RBMXL1: variants seen among roughly 807,000 people sequenced by gnomAD.
RBMXL1 encodes RNA binding motif protein, X-linked-like-1.
RBMXL1 carries 18 observed loss-of-function variants against 29.0 expected under a neutral mutation model. That is an observed-to-expected ratio of 0.62 (90% CI 0.43 to 0.92). The LOEUF (loss-of-function observed/expected upper bound fraction) is 0.92. Ranked by LOEUF, RBMXL1 falls within the 40% of genes least tolerant of loss-of-function variation. RBMXL1 has a pLI of 0.00. For missense variants in RBMXL1, 403 were observed against 495.8 expected, an observed-to-expected ratio of 0.81 and a Z score of 1.78; for synonymous variants, 141 against 170.4, an observed-to-expected ratio of 0.83 and a Z score of 1.34.
chr1:88,988,418 T>TAC, intron 1 of RBMXL1, 67 bp from the exon 2 acceptor site: 1 of 857,106 alleles, frequency 1.2e-6, no homozygotes, highest in Non-Finnish European at 1.9e-6. Context: ...ATCAGACACT[T>TAC]ACAGCTAGCT....
In RBMXL1 at chr1:88,981,291, C is replaced by T. The variant is rs897333993; in HGVS notation, c.*1363G>A. The T allele has an allele frequency of 5.5e-4, 84 of 152,168 alleles. No homozygotes were observed. The highest frequency in any genetic ancestry group is 2.0e-3 in the African/African-American group (83 of 41,428). The allele number at this position is 152,168 out of a possible 1,614,324, so 9.4% of individuals were successfully genotyped here. On this transcript the variant is annotated 3_prime_UTR_variant, in exon 3 of 3. Transcript: ENST00000652648. ...TTTCACTTACTGACAAGACACTTCA[C>T]CAGATAGAGCTACCACTTATATCCA...
intron 2 of RBMXL1, among the ~76,000 whole-genome samples, chr1:88,987,300 G>A (rs1250135305): frequency 2.0e-5 from 3 of 152,020 alleles, no homozygotes; most frequent in Non-Finnish European, 2.9e-5. Flanking sequence ...GGCTTCAACC[G>A]ACTTCTATGT....
In RBMXL1 at chr1:88,982,635, T is replaced by G. The variant is rs760470330; in HGVS notation, c.*19A>C. The G allele has an allele frequency of 3.3e-5, 52 of 1,572,704 alleles. No homozygotes were observed. Among genetic ancestry groups the G allele is most frequent in the Non-Finnish European group, 4.3e-5 (50 of 1,161,504 alleles). The stretch of plus-strand genomic sequence containing the variant: ...TTGTTTCTTTGAACTGGGATTTTGG[T>G]CCAAAGTTTTGTTTGTTTCTAGTAT... On this transcript the variant is annotated 3_prime_UTR_variant, in exon 3 of 3. Transcript: ENST00000652648.
In RBMXL1 at chr1:88,981,043, A is replaced by G. The variant is rs1677062321; in HGVS notation, c.*1611T>C. 1 of 152,246 alleles carries G rather than the reference A, an allele frequency of 6.6e-6. No individual in the cohort carries two copies. Among genetic ancestry groups the G allele is most frequent in the African/African-American group, 2.4e-5 (1 of 41,468 alleles). 9.4% of individuals were successfully genotyped at this position (152,246 alleles called of 1,614,324 possible). ...ACAACTCAAGTCTGTTTCCTTTGAG[A>G]ACATTACACTATTGGCTCTAGTCTC... On this transcript the variant is annotated 3_prime_UTR_variant, in exon 3 of 3. Transcript: ENST00000652648.
intron 1 of RBMXL1, among the ~76,000 whole-genome samples, chr1:88,991,869 T>C (rs559258742): frequency 2.0e-5 from 3 of 152,238 alleles, no homozygotes; most frequent in African/African-American, 4.8e-5. Flanking sequence ...GAAGGAAGGA[T>C]TTCTGCGCCA....
chr1:88,991,920 A>G (rs1432842723), intron 1 of RBMXL1, among the ~76,000 whole-genome samples: 2 of 152,114 alleles, frequency 1.3e-5, no homozygotes, highest in African/African-American at 4.8e-5. Flanking sequence ...TGTTTTAACT[A>G]CAAATGTTGG....
intron 2 of RBMXL1, among the ~76,000 whole-genome samples, chr1:88,986,681 C>A (rs1677477369): frequency 6.6e-6 from 1 of 152,234 alleles, no homozygotes; most frequent in African/African-American, 2.4e-5. Flanking sequence ...CAGGAAAATA[C>A]AGCCTATCCT....
At chr1:88,985,357 A>G (rs1040312481) in intron 2 of RBMXL1, among the ~76,000 whole-genome samples, 6 of 152,192 alleles carry the variant, frequency 3.9e-5, no homozygotes, top group African/African-American at 1.2e-4. Flanking sequence ...GGCTGAACCA[A>G]TCAAGACAAC....
chr1:88,989,332 T>C (rs1017123742), intron 1 of RBMXL1, among the ~76,000 whole-genome samples: 1 of 152,210 alleles, frequency 6.6e-6, no homozygotes, highest in Non-Finnish European at 1.5e-5. Flanking sequence ...AACCTATTAA[T>C]GTGATTCACC....
chr1:88,987,299 C>T lies in RBMXL1; in HGVS notation c.-241+953G>A, dbSNP rs568520639. On this transcript the variant is annotated intron_variant, in intron 2 of 2. Coordinates refer to ENST00000652648, the MANE Select transcript of RBMXL1 (RefSeq NM_001162536.3). ...GCACAACCACTTCCCTGGCTTCAAC[C>T]GACTTCTATGTTGGGAGAGGGCCTG... Among the ~76,000 whole-genome samples the T allele has an allele frequency of 1.6e-4, 24 of 152,060 alleles. No individual in the cohort carries two copies. In the South Asian group the frequency reaches 3.1e-3, roughly 20 times the overall value.
chr1:88,979,577 C>A lies in RBMXL1; in HGVS notation c.*3077G>T, dbSNP rs897663758. The A allele has an allele frequency of 4.6e-5, 7 of 152,046 alleles. No individual in the cohort carries two copies. Among genetic ancestry groups the A allele is most frequent in the African/African-American group, 1.7e-4 (7 of 41,446 alleles). The allele number at this position is 152,046 out of a possible 1,614,324, so 9.4% of individuals were successfully genotyped here. A position where few individuals can be genotyped will look rare whatever the true frequency, so the allele number is the denominator to read the frequency against. ...CACTTCACAGAAAATATACAACTGG[C>A]CAAAAAGTACCTTAAAAGATGCTTA... On this transcript the variant is annotated 3_prime_UTR_variant, in exon 3 of 3. Transcript: ENST00000652648.
In RBMXL1 at chr1:88,982,907, CT is replaced by C; in HGVS notation, c.919del (p.Ser307AlafsTer46). 6.2e-7 allele frequency: 1 copy of C among 1,613,994 alleles called. No homozygotes were observed. Among genetic ancestry groups the C allele is most frequent in the Non-Finnish European group, 8.5e-7 (1 of 1,179,882 alleles). On this transcript the variant is annotated frameshift_variant, in exon 3 of 3. Coordinates refer to ENST00000652648, the MANE Select transcript of RBMXL1 (RefSeq NM_001162536.3). LOFTEE classifies it high-confidence loss of function. ...GCTGCTATAATCATCATAGCGACTG[CT>C]TCCACCATAAGATGGCGGGGGCCCT... ...TRGPPPSYGG[S>X]SRYDDYSSSR...
rs147587510 is a variant in RBMXL1 at position 88,988,438 on chromosome 1, T to C, written c.-340-87A>G. ...ACACTTACAGCTAGCTGATGTATCA[T>C]AAGCTTACGTAAAATCCAAGTAAAC... On this transcript the variant is annotated intron_variant, in intron 1 of 2. Coordinates refer to ENST00000652648, the MANE Select transcript of RBMXL1 (RefSeq NM_001162536.3). 5 of 675,932 alleles carry C rather than the reference T, an allele frequency of 7.4e-6. No individual in the cohort carries two copies. In the African/African-American group the frequency reaches 9.2e-5, roughly 12 times the overall value. 41.9% of individuals were successfully genotyped at this position (675,932 alleles called of 1,614,324 possible). A position where few individuals can be genotyped will look rare whatever the true frequency, so the allele number is the denominator to read the frequency against.
At chr1:88,984,459 G>A (rs1366097280) in intron 2 of RBMXL1, among the ~76,000 whole-genome samples, 1 of 152,148 alleles carries the variant, frequency 6.6e-6, no homozygotes, top group Non-Finnish European at 1.5e-5. Context: ...TGATCCGCCT[G>A]CCTCGGCCTC....
At position 88,979,709 on chromosome 1, in the gene RBMXL1, A is replaced by G. The variant is rs919511254; in HGVS notation, c.*2945T>C. The G allele has an allele frequency of 5.9e-5, 9 of 152,138 alleles. No individual in the cohort carries two copies. The highest frequency in any genetic ancestry group is 2.2e-4 in the African/African-American group (9 of 41,422). The allele number at this position is 152,138 out of a possible 1,614,324, so 9.4% of individuals were successfully genotyped here. Reference sequence around the variant, plus strand: ...GTGTTGGCAGTTGGAACTCTATACAACCCTGGTGGGAATATAAAAGGGTAT... The same window carrying G: ...GTGTTGGCAGTTGGAACTCTATACAGCCCTGGTGGGAATATAAAAGGGTAT... On this transcript the variant is annotated 3_prime_UTR_variant, in exon 3 of 3. Coordinates refer to ENST00000652648, the MANE Select transcript of RBMXL1 (RefSeq NM_001162536.3).
At chr1:88,992,291 C>T (rs1318491796) in intron 1 of RBMXL1, among the ~76,000 whole-genome samples, 1 of 152,192 alleles carries the variant, frequency 6.6e-6, no homozygotes, top group Non-Finnish European at 1.5e-5. Flanking sequence ...ATTAAGAGTC[C>T]CAAAGTCATT....
chr1:88,982,872 C>T lies in RBMXL1; in HGVS notation c.955G>A (p.Gly319Arg), dbSNP rs1213605168. Residue 319 changes from glycine to arginine, a missense_variant, in exon 3 of 3, where the codon GGA becomes AGA. By Grantham distance (125) the Gly-to-Arg change is moderately radical. Transcript: ENST00000652648. ...TAACTGTCTCGACTTCCACCATATC[C>T]ATCACGTGAGCTGCTATAATCATCA... Reference protein sequence around the residue: ...RYDDYSSSRDGYGGSRDSYSS... With the variant: ...RYDDYSSSRDRYGGSRDSYSS... 6.2e-7 allele frequency: 1 copy of T among 1,613,996 alleles called. No homozygotes were observed. Among genetic ancestry groups the T allele is most frequent in the Non-Finnish European group, 8.5e-7 (1 of 1,179,884 alleles).
rs1677225496 is a variant in RBMXL1, at chr1:88,983,474, C to T, written c.353G>A (p.Gly118Glu). ...GFGAGRGGSGGTRGPPSRGGH... is the reference protein window; with the variant it reads ...GFGAGRGGSGETRGPPSRGGH... Reference sequence around the variant, plus strand: ...TCCTCGTGAAGGAGGTCCCCTGGTTCCTCCACTTCCTCCTCTTCCAGCTCC... The same window carrying T: ...TCCTCGTGAAGGAGGTCCCCTGGTTTCTCCACTTCCTCCTCTTCCAGCTCC... Residue 118 changes from glycine (G) to glutamate (E), a missense_variant, in exon 3 of 3, where the codon GGA (glycine) becomes GAA (glutamate). Coordinates refer to ENST00000652648, the MANE Select transcript of RBMXL1 (RefSeq NM_001162536.3). 1 of 1,614,102 alleles carries T rather than the reference C, an allele frequency of 6.2e-7. No homozygotes were observed. Among genetic ancestry groups the T allele is most frequent in the Non-Finnish European group, 8.5e-7 (1 of 1,180,008 alleles).
intron 1 of RBMXL1, among the ~76,000 whole-genome samples, chr1:88,992,318 C>G (rs1677854143): frequency 6.6e-6 from 1 of 152,254 alleles, no homozygotes; most frequent in Non-Finnish European, 1.5e-5. Flanking sequence ...AGACTGCCTT[C>G]TAAAAGCCCA....
Sources: allele counts gnomAD v4.1 joint callset (sites outside exome capture counted in the v4.1 genomes callset), GRCh38; gene constraint gnomAD v4.1.1; transcripts MANE v1.5; gene names NCBI Gene and HGNC (gene_info 2026-07-23, HGNC 2026-07-21).